SLC35D2: variants seen among roughly 807,000 people sequenced by gnomAD.
SLC35D2 encodes nucleotide sugar transporter SLC35D2.
A neutral mutation model predicts 41.8 loss-of-function variants in SLC35D2; 43 were observed. The observed-to-expected ratio is 1.03, with a 90% CI of 0.81 to 1.33. The LOEUF (loss-of-function observed/expected upper bound fraction) is 1.33. Ranked by LOEUF, SLC35D2 falls within the 40% of genes most tolerant of loss-of-function variation. The pLI is 0.00. For synonymous variants in SLC35D2, 150 were observed against 163.9 expected (o/e 0.92, Z 0.65); for missense variants, 380 against 408.4 (o/e 0.93, Z 0.60).
In SLC35D2 at chr9:96,374,506, C is replaced by T. The variant is rs535718204; in HGVS notation, c.159-6201G>A. Among the ~76,000 whole-genome samples the T allele has an allele frequency of 4.1e-5, 6 of 147,696 alleles. No individual in the cohort carries two copies. The South Asian group carries it at 1.3e-3, about 32-fold the overall frequency. On this transcript the variant is annotated intron_variant, in intron 1 of 11. Coordinates refer to ENST00000253270, the MANE Select transcript of SLC35D2 (RefSeq NM_007001.3). Reference sequence around the variant, plus strand: ...TCGAAATCGTGCCACTGCACTCCAGCCTGGCGACAAAGCGAGACTCCGTCT... The same window carrying T: ...TCGAAATCGTGCCACTGCACTCCAGTCTGGCGACAAAGCGAGACTCCGTCT...
intron 1 of SLC35D2, among the ~76,000 whole-genome samples, chr9:96,371,576 CTT>C (rs2131014670): frequency 6.7e-6 from 1 of 148,170 alleles, no homozygotes; most frequent in East Asian, 2.0e-4. Flanking sequence ...TCTTAGACCT[CTT>C]ATATTTAGAG....
chr9:96,371,625 T>C (rs1564125544), intron 1 of SLC35D2, among the ~76,000 whole-genome samples: 1 of 151,402 alleles, frequency 6.6e-6, no homozygotes, highest in Non-Finnish European at 1.5e-5. Flanking sequence ...TTAATCCTTG[T>C]AGTAAAGAAA....
intron 6 of SLC35D2, among the ~76,000 whole-genome samples, chr9:96,350,377 A>C (rs1443419742): frequency 3.3e-5 from 1 of 30,406 alleles, no homozygotes; most frequent in Non-Finnish European, 6.1e-5. Flanking sequence ...TTTTTTTTGT[A>C]GAAATAGGTT....
At chr9:96,322,741 C>CA (rs1369130218) in intron 10 of SLC35D2, among the ~76,000 whole-genome samples, 4 of 58,138 alleles carry the variant, frequency 6.9e-5, no homozygotes, top group African/African-American at 4.6e-4. Context: ...TTTTTTGAGA[C>CA]AGAGTCTCAC....
At chr9:96,334,160 G>A (rs1828944153) in intron 9 of SLC35D2, among the ~76,000 whole-genome samples, 1 of 152,174 alleles carries the variant, frequency 6.6e-6, no homozygotes, top group African/African-American at 2.4e-5. Context: ...TTCCATGAAT[G>A]GGGAGGAAGT....
intron 4 of SLC35D2, among the ~76,000 whole-genome samples, chr9:96,358,695 C>T (rs746710841): frequency 4.6e-5 from 7 of 152,046 alleles, no homozygotes; most frequent in South Asian, 2.1e-4. Context: ...TTGTTCTTAT[C>T]GAAAAAGTTT....
At chr9:96,379,290 G>A (rs1317188649) in intron 1 of SLC35D2, among the ~76,000 whole-genome samples, 3 of 116,910 alleles carry the variant, frequency 2.6e-5, no homozygotes, top group Non-Finnish European at 2.1e-5. Flanking sequence ...CTGGGTGACA[G>A]AGTGAGACCC....
At chr9:96,370,354 C>T (rs1830627274) in intron 1 of SLC35D2, among the ~76,000 whole-genome samples, 1 of 152,024 alleles carries the variant, frequency 6.6e-6, no homozygotes, top group African/African-American at 2.4e-5. Flanking sequence ...AACAGTAAAA[C>T]AACAACAAAA....
chr9:96,368,466 T>C (rs1830558965), intron 1 of SLC35D2, among the ~76,000 whole-genome samples, 161 bp from the exon 2 acceptor site: 1 of 151,356 alleles, frequency 6.6e-6, no homozygotes, highest in African/African-American at 2.4e-5. Context: ...TTTAAGACAG[T>C]GTCTTGCTCT....
At chr9:96,315,922 A>G (rs1828042205), downstream of SLC35D2, among the ~76,000 whole-genome samples, 1 of 152,256 alleles carries the variant, frequency 6.6e-6, no homozygotes, top group African/African-American at 2.4e-5. Flanking sequence ...AACATATTAA[A>G]TAACAAGAAC....
At position 96,338,005 on chromosome 9, in the gene SLC35D2, A is replaced by AAAG. The variant is rs373089900; in HGVS notation, c.685-1222_685-1221insCTT. Among the ~76,000 whole-genome samples the AAAG allele has an allele frequency of 3.1e-3, 329 of 104,708 alleles. 11 individuals are homozygous for AAAG. The highest frequency in any genetic ancestry group is 7.7e-3 in the East Asian group (21 of 2,728). 68.7% of individuals were successfully genotyped at this position (104,708 alleles called of 152,430 possible). ...TCAAAAAAAAAAAAAAAAAAAAAAA[A>AAAG]CTCAATTTCTGCTCTCCAGGAATTT... On this transcript the variant is annotated intron_variant, in intron 8 of 11. Transcript: ENST00000253270.
chr9:96,320,934 C>T lies in SLC35D2; in HGVS notation c.*308G>A, dbSNP rs755422712. 1 of 236,266 alleles carries T rather than the reference C, an allele frequency of 4.2e-6. No individual in the cohort carries two copies. The highest frequency in any genetic ancestry group is 9.1e-5 in the South Asian group (1 of 10,998). The allele number at this position is 236,266 out of a possible 1,614,324, so 14.6% of individuals were successfully genotyped here. ...CATTACATCAACCTCCTCCCCAGCA[C>T]ACAGCACAGAGATGCCACGAAGGCC... On this transcript the variant is annotated 3_prime_UTR_variant, in exon 12 of 12. Transcript: ENST00000253270.
Position 96,324,549 on chromosome 9 carries a change from C to CTTTTTTTTTTTTTTTTTT in SLC35D2, c.753-381_753-380insAAAAAAAAAAAAAAAAAA, listed in dbSNP as rs57775451. ...CTGTGCCTCAGAATCGCCTGCTGCA[C>CTTTTTTTTTTTTTTTTTT]TTTTTTTTTTTTTTTTTGGTGGGGA... On this transcript the variant is annotated intron_variant, in intron 9 of 11. Transcript: ENST00000253270. Among the ~76,000 whole-genome samples, 33 of 117,750 alleles carry CTTTTTTTTTTTTTTTTTT rather than the reference C, an allele frequency of 2.8e-4. 1 individual carries two copies. The highest frequency in any genetic ancestry group is 6.3e-4 in the East Asian group (2 of 3,190). The allele number at this position is 117,750 out of a possible 152,430, so 77.2% of individuals were successfully genotyped here. A position where few individuals can be genotyped will look rare whatever the true frequency, so the allele number is the denominator to read the frequency against.
At chr9:96,383,451 C>T (rs1020807820) in intron 1 of SLC35D2, 26 bp downstream of exon 1, 2 of 1,491,274 alleles carry the variant, frequency 1.3e-6, no homozygotes, top group Admixed American at 4.2e-5. Context: ...CTCCCGCAGA[C>T]CCCCCGGCCC....
At chr9:96,343,478 C>T (rs1829431778) in intron 8 of SLC35D2, among the ~76,000 whole-genome samples, 2 of 152,238 alleles carry the variant, frequency 1.3e-5, no homozygotes, top group South Asian at 4.2e-4. Context: ...GGTGGTGGGT[C>T]CCTGACAACT....
At chr9:96,373,702 A>C (rs990631744) in intron 1 of SLC35D2, among the ~76,000 whole-genome samples, 1 of 148,388 alleles carries the variant, frequency 6.7e-6, no homozygotes, top group Non-Finnish European at 1.5e-5. Context: ...AAAAAAAAAA[A>C]CAATTTGAGC....
chr9:96,362,363 C>A (rs567815935), intron 3 of SLC35D2, among the ~76,000 whole-genome samples: 1 of 151,980 alleles, frequency 6.6e-6, no homozygotes, highest in African/African-American at 2.4e-5. Context: ...AAAAATTGGC[C>A]GGGCATGGCG....
rs747574055 is a variant in SLC35D2, at chr9:96,324,131, TA to T, written c.790del (p.Tyr264ThrfsTer5). The T allele has an allele frequency of 1.9e-6, 3 of 1,613,850 alleles. No homozygotes were observed. In the African/African-American group the frequency reaches 4.0e-5, roughly 22 times the overall value. ...CACTGCTGTCGTCAGGGCTGAATTGTAATAGCTGCACAGAACCGTGGAGTAC... is the reference window on the plus strand; with the variant it reads ...CACTGCTGTCGTCAGGGCTGAATTGTATAGCTGCACAGAACCGTGGAGTAC... ...LMYSTVLCSY[Y>X]NSALTTAVVG... is the part of the protein sequence containing the mutation. On this transcript the variant is annotated frameshift_variant, in exon 10 of 12. Coordinates refer to ENST00000253270, the MANE Select transcript of SLC35D2 (RefSeq NM_007001.3). LOFTEE classifies it high-confidence loss of function.
intron 4 of SLC35D2, among the ~76,000 whole-genome samples, chr9:96,352,594 T>C (rs772328079): frequency 6.6e-6 from 1 of 150,868 alleles, no homozygotes; most frequent in Non-Finnish European, 1.5e-5. Context: ...AGTGCTGGGA[T>C]TACAGGCGTG....
Sources: gnomAD v4.1 joint callset for allele counts (sites outside exome capture counted in the v4.1 genomes callset) on GRCh38, gnomAD v4.1.1 for gene constraint, MANE v1.5 for transcripts, NCBI Gene and HGNC (gene_info 2026-07-23, HGNC 2026-07-21) for gene names.